PARD3B: variants seen among roughly 807,000 people sequenced by gnomAD.
The protein encoded by PARD3B is par-3 family cell polarity regulator beta, also known as partitioning defective 3 homolog B.
A neutral mutation model predicts 130.2 loss-of-function variants in PARD3B; 103 were observed. The observed-to-expected ratio is 0.79, with a 90% CI of 0.67 to 0.93. PARD3B has a LOEUF of 0.93. Ranked by LOEUF, PARD3B falls within the 40% of genes least tolerant of loss-of-function variation. PARD3B has a pLI of 0.00. For missense variants in PARD3B, 1,609 were observed against 1,499.2 expected (o/e 1.07, Z -1.21); for synonymous variants, 583 against 553.2 (o/e 1.05, Z -0.76).
intron 14 of PARD3B, 86 bp from the exon 15 acceptor site, chr2:205,193,119 G>A: frequency 1.2e-6 from 1 of 857,190 alleles, no homozygotes; most frequent in Non-Finnish European, 1.9e-6. Context: ...AGTGATGAGT[G>A]GCTGTGTTCA....
intron 2 of PARD3B, among the ~76,000 whole-genome samples, chr2:204,825,468 GTGCCTT>G (rs2043531956): frequency 2.0e-5 from 3 of 152,162 alleles, no homozygotes; most frequent in Admixed American, 2.0e-4. Context: ...ATATGTATTT[GTGCCTT>G]GGGGATATAG....
chr2:204,564,538 G>T (rs185444385), intron 1 of PARD3B, among the ~76,000 whole-genome samples: 1 of 152,030 alleles, frequency 6.6e-6, no homozygotes, highest in African/African-American at 2.4e-5. Flanking sequence ...AATCAAAAAT[G>T]AGAAATTAAA....
chr2:205,616,478 T>C lies in PARD3B; in HGVS notation c.*665T>C, dbSNP rs1198841071. ...TGTAAACATTTCATGTTTCCTCACT[T>C]TTGATATGAAAGTCGGTAAAATGCA... On this transcript the variant is annotated 3_prime_UTR_variant, in exon 23 of 23. Coordinates refer to ENST00000406610, the MANE Select transcript of PARD3B (RefSeq NM_001302769.2). The C allele has an allele frequency of 6.6e-6, 1 of 152,214 alleles. No individual in the cohort carries two copies. The highest frequency in any genetic ancestry group is 1.5e-5 in the Non-Finnish European group (1 of 68,070). The allele number at this position is 152,214 out of a possible 1,614,324, so 9.4% of individuals were successfully genotyped here.
chr2:205,038,746 T>C (rs1200194571), intron 3 of PARD3B, among the ~76,000 whole-genome samples: 2 of 152,226 alleles, frequency 1.3e-5, no homozygotes, highest in Non-Finnish European at 2.9e-5. Context: ...TGTGAATTAC[T>C]TGCATTTGTC....
chr2:204,671,470 C>T (rs1461430344), intron 1 of PARD3B, among the ~76,000 whole-genome samples: 1 of 152,260 alleles, frequency 6.6e-6, no homozygotes, highest in East Asian at 1.9e-4. Context: ...GGTCTCCAGA[C>T]CCTGTCGAAG....
At chr2:204,553,593 C>CATAAATATGT in intron 1 of PARD3B, among the ~76,000 whole-genome samples, 1 of 115,948 alleles carries the variant, frequency 8.6e-6, no homozygotes, top group South Asian at 2.7e-4. Flanking sequence ...AGGCTATATA[C>CATAAATATGT]ATATATATGT....
Position 205,530,358 on chromosome 2 carries a change from T to C in PARD3B, c.3181-22966T>C, listed in dbSNP as rs563024990. On this transcript the variant is annotated intron_variant, in intron 21 of 22. Coordinates refer to ENST00000406610, the MANE Select transcript of PARD3B (RefSeq NM_001302769.2). This position sits in a 1 kb window ranked among gnomAD's most constrained non-coding sequence, Gnocchi z 4.7. ...GATGCCAACATCATAAGGATGTTGA[T>C]GTAATTTACATGTAATGCCACTTTG... is the stretch of plus-strand genomic sequence containing the variant. 1.4e-4 allele frequency among the ~76,000 whole-genome samples: 22 copies of C among 152,330 alleles called. No individual in the cohort carries two copies. The highest frequency in any genetic ancestry group is 5.3e-4 in the African/African-American group (22 of 41,576).
At chr2:204,681,283 A>ATC (rs2125233403) in intron 1 of PARD3B, among the ~76,000 whole-genome samples, 1 of 152,134 alleles carries the variant, frequency 6.6e-6, no homozygotes, top group Non-Finnish European at 1.5e-5. Flanking sequence ...TTAGATCTGG[A>ATC]AGTAAATATA....
chr2:204,762,049 T>TA (rs1002409831), intron 2 of PARD3B, among the ~76,000 whole-genome samples: 3 of 151,570 alleles, frequency 2.0e-5, no homozygotes, highest in Non-Finnish European at 2.9e-5. Flanking sequence ...ATTTTCTTTT[T>TA]AAAAAAAATC....
At chr2:205,104,544 GATT>G in intron 5 of PARD3B, 30 bp downstream of exon 5, 2 of 1,329,612 alleles carry the variant, frequency 1.5e-6, no homozygotes, top group Non-Finnish European at 2.2e-6. Flanking sequence ...AAGAATATCT[GATT>G]TATTTCAATT....
At position 205,559,292 on chromosome 2, in the gene PARD3B, G is replaced by A. The variant is rs1007798578; in HGVS notation, c.3260+5889G>A. 6.6e-5 allele frequency among the ~76,000 whole-genome samples: 10 copies of A among 152,186 alleles called. No individual in the cohort carries two copies. The East Asian group carries it at 7.7e-4, about 12-fold the overall frequency. On this transcript the variant is annotated intron_variant, in intron 22 of 22. Coordinates refer to ENST00000406610, the MANE Select transcript of PARD3B (RefSeq NM_001302769.2). ...CCAGAGTAGCTGGGACTACAGGCAC[G>A]CACCACGATGCCCAGCTAAATTTTG...
chr2:205,123,236 G>C (rs900615398), intron 8 of PARD3B, among the ~76,000 whole-genome samples: 1 of 152,162 alleles, frequency 6.6e-6, no homozygotes, highest in Non-Finnish European at 1.5e-5. Context: ...AAAAAGAGAA[G>C]AATTACAGTG....
At chr2:205,127,498 G>A (rs562363063) in intron 10 of PARD3B, among the ~76,000 whole-genome samples, 1 of 152,242 alleles carries the variant, frequency 6.6e-6, no homozygotes, top group African/African-American at 2.4e-5. Context: ...CAGAACTGAT[G>A]ATGTTTCACT....
intron 19 of PARD3B, among the ~76,000 whole-genome samples, chr2:205,408,752 G>A (rs1167827093): frequency 6.6e-6 from 1 of 152,046 alleles, no homozygotes; most frequent in African/African-American, 2.4e-5. Context: ...CCATGTTTTG[G>A]CATGATTACA....
chr2:204,547,217 T>A (rs376636894), intron 1 of PARD3B, among the ~76,000 whole-genome samples: 2 of 152,342 alleles, frequency 1.3e-5, no homozygotes, highest in African/African-American at 4.8e-5. Flanking sequence ...AGTGTATAGC[T>A]TAGGGGTTTA....
intron 2 of PARD3B, among the ~76,000 whole-genome samples, chr2:204,931,071 G>A (rs1407077115): frequency 6.6e-6 from 1 of 152,068 alleles, no homozygotes; most frequent in African/African-American, 2.4e-5. Flanking sequence ...GCTGGATGCC[G>A]ATAGAAGGAA....
intron 18 of PARD3B, among the ~76,000 whole-genome samples, chr2:205,367,096 CT>C (rs1319498626): frequency 2.0e-5 from 3 of 152,208 alleles, no homozygotes; most frequent in Non-Finnish European, 4.4e-5. Context: ...CAAATAGTGC[CT>C]TGCATCTTCA....
rs1393206111 is a variant in PARD3B at position 205,616,618 on chromosome 2, C to G, written c.*805C>G. 1 of 152,214 alleles carries G rather than the reference C, an allele frequency of 6.6e-6. No individual in the cohort carries two copies. 9.4% of individuals were successfully genotyped at this position (152,214 alleles called of 1,614,324 possible). A position where few individuals can be genotyped will look rare whatever the true frequency, so the allele number is the denominator to read the frequency against. Reference sequence around the variant, plus strand: ...AACATCCCACGGCCCTCACCTTCCTCCCTCCCACATTCCAGGCATGGAGAT... The same window carrying G: ...AACATCCCACGGCCCTCACCTTCCTGCCTCCCACATTCCAGGCATGGAGAT... On this transcript the variant is annotated 3_prime_UTR_variant, in exon 23 of 23. Coordinates refer to ENST00000406610, the MANE Select transcript of PARD3B (RefSeq NM_001302769.2).
intron 2 of PARD3B, among the ~76,000 whole-genome samples, chr2:204,853,761 A>C (rs1229589107): frequency 6.6e-6 from 1 of 152,248 alleles, no homozygotes; most frequent in Non-Finnish European, 1.5e-5. Context: ...CAGTGAATGC[A>C]ATAAATATGA....
Sources: allele counts gnomAD v4.1 joint callset (sites outside exome capture counted in the v4.1 genomes callset), GRCh38; gene constraint gnomAD v4.1.1; non-coding constraint Gnocchi (gnomAD v3.1); transcripts MANE v1.5; gene names NCBI Gene and HGNC (gene_info 2026-07-23, HGNC 2026-07-21).